The following ZCCHC7 variants were observed in gnomAD, a reference collection of about 807,000 sequenced individuals.
ZCCHC7 encodes the protein zinc finger CCHC-type containing 7.
Under a neutral mutation model 52.0 loss-of-function variants are expected in ZCCHC7, and 35 were observed. The observed-to-expected ratio is 0.67, with a 90% CI of 0.51 to 0.89. ZCCHC7 has a LOEUF of 0.89. ZCCHC7 is among the 40% of genes least tolerant of loss of function. ZCCHC7 has a pLI of 0.00. For synonymous variants in ZCCHC7, 217 were observed against 221.5 expected (o/e 0.98, Z 0.18); for missense variants, 574 against 649.1 (o/e 0.88, Z 1.26).
At chr9:37,217,687 A>G (rs1368767649) in intron 2 of ZCCHC7, among the ~76,000 whole-genome samples, 1 of 152,116 alleles carries the variant, frequency 6.6e-6, no homozygotes, top group African/African-American at 2.4e-5. Context: ...ATTTTTCCCA[A>G]TTATTGCTAT....
intron 2 of ZCCHC7, among the ~76,000 whole-genome samples, chr9:37,196,168 T>C (rs2133129134): frequency 6.6e-6 from 1 of 152,294 alleles, no homozygotes; most frequent in African/African-American, 2.4e-5. Flanking sequence ...ATGTGCCAGT[T>C]TTATGATTTT....
intron 2 of ZCCHC7, among the ~76,000 whole-genome samples, chr9:37,287,428 T>G (rs552571865): frequency 1.8e-4 from 28 of 152,164 alleles, no homozygotes; most frequent in Non-Finnish European, 3.1e-4. Flanking sequence ...GCTTCCTTTC[T>G]GGCAATCTCA....
intron 2 of ZCCHC7, among the ~76,000 whole-genome samples, chr9:37,279,215 A>G (rs1282335308): frequency 6.6e-6 from 1 of 152,204 alleles, no homozygotes; most frequent in Non-Finnish European, 1.5e-5. Context: ...AAGCAAAAAA[A>G]AAAAAGTAAC....
chr9:37,330,733 T>G (rs1830419568), intron 6 of ZCCHC7, among the ~76,000 whole-genome samples: 1 of 151,654 alleles, frequency 6.6e-6, no homozygotes, highest in Admixed American at 6.6e-5. Context: ...AATGTTCTTT[T>G]TCATCTTTCA....
Position 37,305,556 on chromosome 9 carries a change from T to C in ZCCHC7, c.793T>C (p.Cys265Arg). ...NCPLPRKVRR[C>R]FLCSRRGHLL... ...TTTCGCCACATAGAAAGTTCGTCGC[T>C]GCTTCCTGTGCTCCAGGAGAGGACA... The change falls in exon 5 of 9, where the codon TGC becomes CGC. Residue 265 changes from cysteine to arginine, a missense_variant. This residue lies in a region of ZCCHC7 where 403 missense variants were observed against 461.2 expected (regional missense o/e 0.87). Coordinates refer to ENST00000336755, the MANE Select transcript of ZCCHC7 (RefSeq NM_032226.3). The C allele has an allele frequency of 6.2e-7, 1 of 1,613,912 alleles. No individual in the cohort carries two copies. Among genetic ancestry groups the C allele is most frequent in the Non-Finnish European group, 8.5e-7 (1 of 1,179,970 alleles).
At position 37,249,353 on chromosome 9, in the gene ZCCHC7, C is replaced by T. The variant is rs145208105; in HGVS notation, c.611-52835C>T. 8.6e-5 allele frequency among the ~76,000 whole-genome samples: 13 copies of T among 151,364 alleles called. No individual in the cohort carries two copies. The East Asian group carries it at 1.7e-3, about 20-fold the overall frequency. On this transcript the variant is annotated intron_variant, in intron 2 of 8. Transcript: ENST00000336755. ...TCTTTATCAAACATAGTTTTTACCT[C>T]GTTCTCTGTAAGAGCCAATTCCCAG...
chr9:37,134,850 C>A (rs1407455973), intron 2 of ZCCHC7, among the ~76,000 whole-genome samples: 1 of 152,112 alleles, frequency 6.6e-6, no homozygotes, highest in Non-Finnish European at 1.5e-5. Flanking sequence ...CTCAGCCTCC[C>A]GAGTAGCTAG....
intron 2 of ZCCHC7, among the ~76,000 whole-genome samples, chr9:37,137,329 G>A (rs962126092): frequency 1.3e-5 from 2 of 152,178 alleles, no homozygotes; most frequent in Non-Finnish European, 2.9e-5. Context: ...CTTTGAATTT[G>A]AGTTTCGAAA....
chr9:37,204,521 A>G (rs1823803490), intron 2 of ZCCHC7, among the ~76,000 whole-genome samples: 1 of 152,230 alleles, frequency 6.6e-6, no homozygotes, highest in African/African-American at 2.4e-5. Flanking sequence ...GGTTTTCTGT[A>G]TATGGCTAGA....
chr9:37,234,376 A>C (rs917377987), intron 2 of ZCCHC7, among the ~76,000 whole-genome samples: 33 of 152,214 alleles, frequency 2.2e-4, no homozygotes, highest in Admixed American at 7.2e-4. Flanking sequence ...TGTCCTTAAC[A>C]CCTATGTCTC....
rs1842536645 is a variant in ZCCHC7 at position 37,126,361 on chromosome 9, A to C, written c.29A>C (p.Glu10Ala). MMFGGYETIEAYEDDLYRDE... is the reference protein window; with the variant it reads MMFGGYETIAAYEDDLYRDE... ...ATGTTTGGTGGCTATGAGACTATAG[A>C]AGCATACGAAGATGATCTTTATCGA... The change falls in exon 2 of 9, where the codon GAA becomes GCA. Residue 10 changes from glutamate to alanine, a missense_variant. Around this residue, in one of 3 missense-constraint regions of ZCCHC7, gnomAD observed 403 missense variants for 461.2 expected, o/e 0.87. Coordinates refer to ENST00000336755, the MANE Select transcript of ZCCHC7 (RefSeq NM_032226.3). The C allele has an allele frequency of 1.3e-5, 21 of 1,613,884 alleles. No individual in the cohort carries two copies. The highest frequency in any genetic ancestry group is 1.7e-5 in the Non-Finnish European group (20 of 1,179,920).
chr9:37,318,203 C>T (rs1469416526), intron 5 of ZCCHC7, among the ~76,000 whole-genome samples: 2 of 151,602 alleles, frequency 1.3e-5, no homozygotes, highest in African/African-American at 2.4e-5. Flanking sequence ...TTTATTCAGC[C>T]GTTTCGAAAA....
chr9:37,242,520 C>A (rs1224360949), intron 2 of ZCCHC7, among the ~76,000 whole-genome samples: 1 of 151,740 alleles, frequency 6.6e-6, no homozygotes, highest in East Asian at 1.9e-4. Context: ...ATTTCTGTTG[C>A]TATTTGAACT....
At chr9:37,225,489 C>G (rs959432713) in intron 2 of ZCCHC7, among the ~76,000 whole-genome samples, 8 of 151,898 alleles carry the variant, frequency 5.3e-5, no homozygotes, top group African/African-American at 1.2e-4. Context: ...AAGATACTAC[C>G]AGAAAGCTAC....
intron 2 of ZCCHC7, among the ~76,000 whole-genome samples, chr9:37,131,394 C>G (rs984741864): frequency 5.9e-5 from 9 of 151,460 alleles, no homozygotes; most frequent in African/African-American, 2.2e-4. Context: ...ACCTGTAATC[C>G]CAGCACTTTG....
chr9:37,219,655 C>A (rs1261737447), intron 2 of ZCCHC7, among the ~76,000 whole-genome samples: 2 of 152,090 alleles, frequency 1.3e-5, no homozygotes, highest in East Asian at 3.8e-4. Flanking sequence ...GTTCATAGCC[C>A]ATAGCCAGTT....
chr9:37,272,491 T>TAAAAAAAAAA (rs551495038), intron 2 of ZCCHC7, among the ~76,000 whole-genome samples: 15 of 97,804 alleles, frequency 1.5e-4, no homozygotes, highest in East Asian at 5.4e-4. Context: ...AGCTGTGTGG[T>TAAAAAAAAAA]AAAAAAAAAA....
intron 2 of ZCCHC7, among the ~76,000 whole-genome samples, chr9:37,217,379 A>G (rs148546004): frequency 6.6e-6 from 1 of 152,168 alleles, no homozygotes; most frequent in African/African-American, 2.4e-5. Flanking sequence ...TTTCTGTTTT[A>G]GTCTATGTGA....
chr9:37,347,517 T>G (rs1380205801), intron 6 of ZCCHC7, among the ~76,000 whole-genome samples: 2 of 152,144 alleles, frequency 1.3e-5, no homozygotes, highest in Non-Finnish European at 2.9e-5. Flanking sequence ...TGCAAAAGAA[T>G]AAATTAGTTA....
Sources: allele counts gnomAD v4.1 joint callset (sites outside exome capture counted in the v4.1 genomes callset), GRCh38; gene constraint gnomAD v4.1.1; regional missense constraint gnomAD v4.1.1; transcripts MANE v1.5; gene names NCBI Gene and HGNC (gene_info 2026-07-23, HGNC 2026-07-21).